DPP10: variants seen among roughly 807,000 people sequenced by gnomAD.
DPP10 encodes the protein inactive dipeptidyl peptidase 10.
DPP10 carries 33 observed loss-of-function variants against 120.9 expected under a neutral mutation model. That is an observed-to-expected ratio of 0.27 (90% CI 0.21 to 0.37). The LOEUF (loss-of-function observed/expected upper bound fraction) is 0.37. Among genes scored for constraint, DPP10 ranks in the 10% least tolerant of loss-of-function variants. The probability of loss-of-function intolerance (pLI) is 1.00; values close to 1 mark genes in which losing one functional copy is unlikely to be tolerated. For missense variants in DPP10, 816 were observed against 942.8 expected (o/e 0.87, Z 1.76); for synonymous variants, 337 against 326.1 (o/e 1.03, Z -0.36).
chr2:115,189,872 A>G (rs1274268923), intron 1 of DPP10, among the ~76,000 whole-genome samples: 1 of 151,702 alleles, frequency 6.6e-6, no homozygotes, highest in African/African-American at 2.4e-5. Flanking sequence ...TTACTGTACC[A>G]TTTTTCTAGC....
chr2:114,834,132 A>T (rs1402879374), intron 1 of DPP10: 2 of 151,792 alleles, frequency 1.3e-5, no homozygotes, highest in Non-Finnish European at 2.9e-5. Context: ...GCACCTATGT[A>T]TATATAAGCC....
intron 13 of DPP10, among the ~76,000 whole-genome samples, chr2:115,771,532 T>C (rs12329316): frequency 0.12 from 18,685 of 152,236 alleles, 1,388 homozygotes; most frequent in African/African-American, 0.2. Context: ...CCAGGCAGGG[T>C]ATATCCATAC....
chr2:114,944,107 G>A (rs1384791693), intron 1 of DPP10, among the ~76,000 whole-genome samples: 1 of 152,056 alleles, frequency 6.6e-6, no homozygotes, highest in African/African-American at 2.4e-5. Flanking sequence ...TAGTTTTTCA[G>A]GAGTAGGATA....
intron 1 of DPP10, among the ~76,000 whole-genome samples, chr2:114,924,373 A>T (rs1574495037): frequency 6.6e-6 from 1 of 152,278 alleles, no homozygotes; most frequent in Non-Finnish European, 1.5e-5. Context: ...TGAAAAACAC[A>T]AAAATTAGTC....
intron 3 of DPP10, among the ~76,000 whole-genome samples, chr2:115,369,157 A>G (rs991738496): frequency 6.6e-5 from 10 of 152,058 alleles, no homozygotes; most frequent in Non-Finnish European, 5.9e-5. Flanking sequence ...CTAACAGCAA[A>G]TGATCAGACT....
intron 9 of DPP10, among the ~76,000 whole-genome samples, chr2:115,744,220 G>A (rs1479092194): frequency 6.7e-6 from 1 of 150,122 alleles, no homozygotes; most frequent in Non-Finnish European, 1.5e-5. Flanking sequence ...TTGATGCTAC[G>A]GTCCAAGAAC....
chr2:115,816,340 C>T (rs1436498006), intron 21 of DPP10, among the ~76,000 whole-genome samples: 1 of 152,116 alleles, frequency 6.6e-6, no homozygotes, highest in Non-Finnish European at 1.5e-5. Context: ...TATATTTAAA[C>T]CTATACCTAA....
rs1050726052 is a variant in DPP10, at chr2:114,892,232, A to G, written c.61-417007A>G. Reference sequence around the variant, plus strand: ...CACCACACAAGGATAAACCTCCAGAAATTTATCAGCTGCTAAGAGAGATAA... The same window carrying G: ...CACCACACAAGGATAAACCTCCAGAGATTTATCAGCTGCTAAGAGAGATAA... On this transcript the variant is annotated intron_variant, in intron 1 of 25. Transcript: ENST00000410059. Among the ~76,000 whole-genome samples the G allele has an allele frequency of 5.3e-5, 8 of 152,296 alleles. No homozygotes were observed. In the Middle Eastern group the frequency reaches 0.01, roughly 194 times the overall value.
intron 1 of DPP10, among the ~76,000 whole-genome samples, chr2:114,887,759 G>A (rs762107326): frequency 2.0e-5 from 3 of 152,172 alleles, no homozygotes; most frequent in Non-Finnish European, 2.9e-5. Flanking sequence ...TGAAAGGTGG[G>A]TTTGAGTATC....
At position 115,048,113 on chromosome 2, in the gene DPP10, A is replaced by G. The variant is rs114205435; in HGVS notation, c.61-261126A>G. 5.2e-3 allele frequency among the ~76,000 whole-genome samples: 789 copies of G among 152,232 alleles called. 7 individuals carry two copies. The highest frequency in any genetic ancestry group is 0.018 in the African/African-American group (743 of 41,562). ...CATGTTTTATGCTTTTGGATTGTCCATTATATTGGATACAGTGCCACGGTC... is the reference window on the plus strand; with the variant it reads ...CATGTTTTATGCTTTTGGATTGTCCGTTATATTGGATACAGTGCCACGGTC... On this transcript the variant is annotated intron_variant, in intron 1 of 25. Coordinates refer to ENST00000410059, the MANE Select transcript of DPP10 (RefSeq NM_020868.6).
intron 5 of DPP10, among the ~76,000 whole-genome samples, chr2:115,576,742 C>T (rs996192164): frequency 2.0e-5 from 3 of 152,104 alleles, no homozygotes; most frequent in African/African-American, 7.2e-5. Flanking sequence ...GTGCCGAAAG[C>T]CACTCACAAA....
chr2:114,935,164 T>C (rs62167695), intron 1 of DPP10, among the ~76,000 whole-genome samples: 28,094 of 152,098 alleles, frequency 0.18, 2,978 homozygotes, highest in Non-Finnish European at 0.23. Context: ...CCTCTACATT[T>C]AATTACAACC....
intron 1 of DPP10, among the ~76,000 whole-genome samples, chr2:115,100,997 A>G (rs1308912031): frequency 6.6e-6 from 1 of 152,060 alleles, no homozygotes; most frequent in Admixed American, 6.6e-5. Context: ...TTTTAGGGTC[A>G]CTTTTAGTTT....
intron 1 of DPP10, among the ~76,000 whole-genome samples, chr2:114,834,646 A>ACCTATGTATATATAAGCCATGTCTACG (rs1687504332): frequency 6.4e-5 from 3 of 47,192 alleles, no homozygotes; most frequent in African/African-American, 1.8e-4. Context: ...CCATATCTAC[A>ACCTATGTATATATAAGCCATGTCTACG]CACCTATGTA....
intron 1 of DPP10, among the ~76,000 whole-genome samples, chr2:115,038,087 G>T (rs1329989940): frequency 6.6e-6 from 1 of 152,026 alleles, no homozygotes; most frequent in Non-Finnish European, 1.5e-5. Context: ...AAATTTAAGG[G>T]ATAGTGATAT....
intron 1 of DPP10, among the ~76,000 whole-genome samples, chr2:115,199,799 A>G (rs2055563346): frequency 6.6e-6 from 1 of 152,200 alleles, no homozygotes. Context: ...GATTAAAAAT[A>G]TCTGGATTTC....
chr2:115,606,721 T>C (rs772822013), intron 5 of DPP10, among the ~76,000 whole-genome samples: 1 of 152,180 alleles, frequency 6.6e-6, no homozygotes, highest in Non-Finnish European at 1.5e-5. Flanking sequence ...AGGGTATGAA[T>C]ACCAGTACTA....
rs2062246947 is a variant in DPP10 at position 115,324,613 on chromosome 2, C to G, written c.175+15260C>G. 2.0e-5 allele frequency among the ~76,000 whole-genome samples: 3 copies of G among 152,158 alleles called. No individual in the cohort carries two copies. In the South Asian group the frequency reaches 6.2e-4, roughly 31 times the overall value. On this transcript the variant is annotated intron_variant, in intron 2 of 25. Coordinates refer to ENST00000410059, the MANE Select transcript of DPP10 (RefSeq NM_020868.6). ...AAGGGAAAGGTGTGGCTAGTTTGAT[C>G]TTCTATCCAGAACACAAAAACTTTC...
chr2:114,726,465 C>T (rs1051438552), intron 1 of DPP10, among the ~76,000 whole-genome samples: 1 of 152,104 alleles, frequency 6.6e-6, no homozygotes, highest in Non-Finnish European at 1.5e-5. Flanking sequence ...AGAAGAAATC[C>T]AGGTTTCCAA....
Sources: gnomAD v4.1 joint callset for allele counts (sites outside exome capture counted in the v4.1 genomes callset) on GRCh38, gnomAD v4.1.1 for gene constraint, MANE v1.5 for transcripts, NCBI Gene and HGNC (gene_info 2026-07-23, HGNC 2026-07-21) for gene names.